ASB18: variants seen among roughly 807,000 people sequenced by gnomAD.
The protein encoded by ASB18 is ankyrin repeat and SOCS box protein 18.
A neutral mutation model predicts 33.4 loss-of-function variants in ASB18; 33 were observed. The ratio of observed to expected loss-of-function variants is 0.99; its 90% CI spans 0.75 to 1.32. The LOEUF is 1.32. Ranked by LOEUF, ASB18 falls within the 40% of genes most tolerant of loss-of-function variation. The pLI, the probability that ASB18 is intolerant of heterozygous loss-of-function variation, is 0.00. For synonymous variants in ASB18, 295 were observed against 307.6 expected, an observed-to-expected ratio of 0.96 and a Z score of 0.43; for missense variants, 694 against 655.5, an observed-to-expected ratio of 1.06 and a Z score of -0.64.
At chr2:236,199,812 T>G (rs964127402) in intron 4 of ASB18, among the ~76,000 whole-genome samples, 1 of 152,172 alleles carries the variant, frequency 6.6e-6, no homozygotes, top group Non-Finnish European at 1.5e-5. Context: ...TTGGGAATAT[T>G]TTAACAAGTA....
In ASB18 at chr2:236,251,211, G is replaced by A. The variant is rs1406822744; in HGVS notation, c.206-9809C>T. The stretch of plus-strand genomic sequence containing the variant: ...TTTTTGGAAGCTCAGAAACAAAGAT[G>A]CCCTTGAACACCGTGTATCCGCTGT... On this transcript the variant is annotated intron_variant, in intron 1 of 5. Transcript: ENST00000409749. This position sits in a 1 kb window ranked among gnomAD's most constrained non-coding sequence, Gnocchi z 5.3. 1.3e-5 allele frequency among the ~76,000 whole-genome samples: 2 copies of A among 152,188 alleles called. No individual in the cohort carries two copies. The highest frequency in any genetic ancestry group is 4.8e-5 in the African/African-American group (2 of 41,444).
rs934648723 is a variant in ASB18, at chr2:236,226,431, A to C, written c.596+11258T>G. Among the ~76,000 whole-genome samples the C allele has an allele frequency of 6.7e-6, 1 of 149,324 alleles. No individual in the cohort carries two copies. Among genetic ancestry groups the C allele is most frequent in the Non-Finnish European group, 1.5e-5 (1 of 66,832 alleles). On this transcript the variant is annotated intron_variant, in intron 3 of 5. Coordinates refer to ENST00000409749, the MANE Select transcript of ASB18 (RefSeq NM_212556.4). The surrounding 1 kb of genome is among the most constrained non-coding windows in gnomAD (Gnocchi z 4.8). Reference sequence around the variant, plus strand: ...ACAGAGAAGAGAAAATGAAACAAGAAAGAAGAAAGAGGAGGAAGAAGAGGA... The same window carrying C: ...ACAGAGAAGAGAAAATGAAACAAGACAGAAGAAAGAGGAGGAAGAAGAGGA...
chr2:236,264,392 A>G lies in ASB18; in HGVS notation c.-47T>C. The G allele has an allele frequency of 6.8e-7, 1 of 1,481,478 alleles. No individual in the cohort carries two copies. The highest frequency in any genetic ancestry group is 9.4e-7 in the Non-Finnish European group (1 of 1,066,848). 91.8% of individuals were successfully genotyped at this position (1,481,478 alleles called of 1,614,324 possible). A position where few individuals can be genotyped will look rare whatever the true frequency, so the allele number is the denominator to read the frequency against. On this transcript the variant is annotated 5_prime_UTR_variant, in exon 1 of 6. Transcript: ENST00000409749. The surrounding 1 kb of genome is among the most constrained non-coding windows in gnomAD (Gnocchi z 5.1). ...ACCAGCCCTTCTTTTCTTCCTCTAA[A>G]GCGACTCCAAAGTCAGCAGCTGTCC...
At chr2:236,218,806 A>G (rs1164853775) in intron 3 of ASB18, among the ~76,000 whole-genome samples, 2 of 151,346 alleles carry the variant, frequency 1.3e-5, no homozygotes, top group Non-Finnish European at 2.9e-5. Context: ...TCAAAAAAAA[A>G]AAAAAAAAAA....
At chr2:236,227,139 G>A (rs2060544694) in intron 3 of ASB18, among the ~76,000 whole-genome samples, 1 of 152,140 alleles carries the variant, frequency 6.6e-6, no homozygotes, top group Admixed American at 6.5e-5. Flanking sequence ...ATTTTGGCAA[G>A]GCGGGGAGGG....
intron 3 of ASB18, among the ~76,000 whole-genome samples, chr2:236,232,648 C>G (rs2060571295): frequency 1.3e-5 from 2 of 151,820 alleles, no homozygotes; most frequent in African/African-American, 4.8e-5. Context: ...CAATAAGGAA[C>G]AACTTTATGG....
rs184772300 is a variant in ASB18 at position 236,220,789 on chromosome 2, T to A, written c.597-5923A>T. Among the ~76,000 whole-genome samples the A allele has an allele frequency of 2.0e-5, 3 of 152,314 alleles. No homozygotes were observed. The highest frequency in any genetic ancestry group is 2.0e-4 in the Admixed American group (3 of 15,302). ...TAAGCACCTTCTCTGAGGCAGGTTCTGTTCTAGGCGTTTTCCACAAGTTAT... is the reference window on the plus strand; with the variant it reads ...TAAGCACCTTCTCTGAGGCAGGTTCAGTTCTAGGCGTTTTCCACAAGTTAT... On this transcript the variant is annotated intron_variant, in intron 3 of 5. Transcript: ENST00000409749. This position sits in a 1 kb window ranked among gnomAD's most constrained non-coding sequence, Gnocchi z 5.1.
rs992186877 is a variant in ASB18, at chr2:236,209,682, G to T, written c.1101+4680C>A. Among the ~76,000 whole-genome samples, 7 of 152,174 alleles carry T rather than the reference G, an allele frequency of 4.6e-5. No individual in the cohort carries two copies. The highest frequency in any genetic ancestry group is 2.1e-4 in the South Asian group (1 of 4,828). On this transcript the variant is annotated intron_variant, in intron 4 of 5. Transcript: ENST00000409749. The surrounding 1 kb of genome is among the most constrained non-coding windows in gnomAD (Gnocchi z 4.4). ...GCCCCCTACCTGGTGTGTTCTCTAC[G>T]TCGAGCTTAGAAATTCCAAAATACT... is the stretch of plus-strand genomic sequence containing the variant.
rs957050403 is a variant in ASB18 at position 236,209,312 on chromosome 2, G to A, written c.1101+5050C>T. Among the ~76,000 whole-genome samples, 4 of 146,440 alleles carry A rather than the reference G, an allele frequency of 2.7e-5. No individual in the cohort carries two copies. Among genetic ancestry groups the A allele is most frequent in the East Asian group, 4.0e-4 (2 of 5,054 alleles). On this transcript the variant is annotated intron_variant, in intron 4 of 5. Transcript: ENST00000409749. The surrounding 1 kb of genome is among the most constrained non-coding windows in gnomAD (Gnocchi z 4.4). Reference sequence around the variant, plus strand: ...TTTTAAGACAAGGTCTTGCTCTGTCGTCCAGGCTGGAGTGTAGTATTGCAA... The same window carrying A: ...TTTTAAGACAAGGTCTTGCTCTGTCATCCAGGCTGGAGTGTAGTATTGCAA...
chr2:236,242,542 C>T (rs2060625731), intron 1 of ASB18, among the ~76,000 whole-genome samples: 2 of 152,294 alleles, frequency 1.3e-5, no homozygotes, highest in South Asian at 4.1e-4. Context: ...GCACCCTCCA[C>T]CTCCTGGGTT....
rs546484074 is a variant in ASB18, at chr2:236,235,310, A to T, written c.596+2379T>A. Among the ~76,000 whole-genome samples the T allele has an allele frequency of 1.3e-5, 2 of 152,348 alleles. No individual in the cohort carries two copies. Among genetic ancestry groups the T allele is most frequent in the Admixed American group, 6.5e-5 (1 of 15,312 alleles). On this transcript the variant is annotated intron_variant, in intron 3 of 5. Transcript: ENST00000409749. This position sits in a 1 kb window ranked among gnomAD's most constrained non-coding sequence, Gnocchi z 6.2. ...TCCCTACAGTATTCAGTACAGTAGCATGCTGTCCAGGTTTGTAGCCTGGGA... is the reference window on the plus strand; with the variant it reads ...TCCCTACAGTATTCAGTACAGTAGCTTGCTGTCCAGGTTTGTAGCCTGGGA...
In ASB18 at chr2:236,239,915, C is replaced by A. The variant is rs1371233299; in HGVS notation, c.328+1365G>T. Among the ~76,000 whole-genome samples, 1 of 152,228 alleles carries A rather than the reference C, an allele frequency of 6.6e-6. No individual in the cohort carries two copies. The highest frequency in any genetic ancestry group is 1.9e-4 in the East Asian group (1 of 5,190). On this transcript the variant is annotated intron_variant, in intron 2 of 5. Coordinates refer to ENST00000409749, the MANE Select transcript of ASB18 (RefSeq NM_212556.4). The surrounding 1 kb of genome is among the most constrained non-coding windows in gnomAD (Gnocchi z 5.6). The stretch of plus-strand genomic sequence containing the variant: ...TGAGCTTGCCTCCCTCTCTTCCCAG[C>A]CTGTGTGGAGGCCTTGGGCCACTAC...
In ASB18 at chr2:236,235,162, G is replaced by T. The variant is rs11687393; in HGVS notation, c.596+2527C>A. On this transcript the variant is annotated intron_variant, in intron 3 of 5. Coordinates refer to ENST00000409749, the MANE Select transcript of ASB18 (RefSeq NM_212556.4). The surrounding 1 kb of genome is among the most constrained non-coding windows in gnomAD (Gnocchi z 6.2). ...CTGACACTTTACCAAAGAAGATACAGTCATGTCCCTTATAACAATGGTTTT... is the reference window on the plus strand; with the variant it reads ...CTGACACTTTACCAAAGAAGATACATTCATGTCCCTTATAACAATGGTTTT... 6.6e-6 allele frequency among the ~76,000 whole-genome samples: 1 copy of T among 152,168 alleles called. No individual in the cohort carries two copies. The highest frequency in any genetic ancestry group is 1.5e-5 in the Non-Finnish European group (1 of 68,014).
In ASB18 at chr2:236,203,741, T is replaced by C. The variant is rs11680754; in HGVS notation, c.1102-7356A>G. Among the ~76,000 whole-genome samples, 26,118 of 151,926 alleles carry C rather than the reference T, an allele frequency of 0.17. 2,264 individuals are homozygous for C. Among genetic ancestry groups the C allele is most frequent in the South Asian group, 0.25 (1,195 of 4,800 alleles). On this transcript the variant is annotated intron_variant, in intron 4 of 5. Transcript: ENST00000409749. This position sits in a 1 kb window ranked among gnomAD's most constrained non-coding sequence, Gnocchi z 6.0. ...ACTTAGCTGGGTGTGATGGTGTGCA[T>C]CTGTAATCCCAGCTACCCAGGAGAC...
chr2:236,260,545 A>C lies in ASB18; in HGVS notation c.205+3596T>G, dbSNP rs1029644238. Among the ~76,000 whole-genome samples the C allele has an allele frequency of 6.6e-6, 1 of 152,180 alleles. No homozygotes were observed. The highest frequency in any genetic ancestry group is 6.5e-5 in the Admixed American group (1 of 15,280). The stretch of plus-strand genomic sequence containing the variant: ...TCCCCCCAAACTCGCCCTTACCTTG[A>C]GAAAGAGAACATTTGCTCCCACAGG... On this transcript the variant is annotated intron_variant, in intron 1 of 5. Transcript: ENST00000409749. The surrounding 1 kb of genome is among the most constrained non-coding windows in gnomAD (Gnocchi z 5.1).
In ASB18 at chr2:236,234,458, G is replaced by A. The variant is rs1184938497; in HGVS notation, c.596+3231C>T. 6.6e-6 allele frequency among the ~76,000 whole-genome samples: 1 copy of A among 152,128 alleles called. No homozygotes were observed. Among genetic ancestry groups the A allele is most frequent in the Non-Finnish European group, 1.5e-5 (1 of 68,024 alleles). ...TTGTCTAGGTGTTATCCTTTTTGGTGTGTGGCATAAAGATTGTGAGGAGCC... is the reference window on the plus strand; with the variant it reads ...TTGTCTAGGTGTTATCCTTTTTGGTATGTGGCATAAAGATTGTGAGGAGCC... On this transcript the variant is annotated intron_variant, in intron 3 of 5. Transcript: ENST00000409749. This position sits in a 1 kb window ranked among gnomAD's most constrained non-coding sequence, Gnocchi z 4.1.
Position 236,222,787 on chromosome 2 carries a change from A to ATTT in ASB18, c.597-7922_597-7921insAAA, listed in dbSNP as rs2060518547. Among the ~76,000 whole-genome samples, 1 of 152,164 alleles carries ATTT rather than the reference A, an allele frequency of 6.6e-6. No individual in the cohort carries two copies. The highest frequency in any genetic ancestry group is 2.4e-5 in the African/African-American group (1 of 41,418). On this transcript the variant is annotated intron_variant, in intron 3 of 5. Coordinates refer to ENST00000409749, the MANE Select transcript of ASB18 (RefSeq NM_212556.4). This position sits in a 1 kb window ranked among gnomAD's most constrained non-coding sequence, Gnocchi z 5.5. ...GTAATCCCAACACTTTGGGAGGCCG[A>ATTT]GGTATGTGGATCACCTGAGTTCAGG...
chr2:236,208,950 A>G lies in ASB18; in HGVS notation c.1101+5412T>C, dbSNP rs912085477. The stretch of plus-strand genomic sequence containing the variant: ...TTAAGGGGAAAAATCACACAGGCAC[A>G]TTGCTTTATATGTAGATGGAGAAAT... On this transcript the variant is annotated intron_variant, in intron 4 of 5. Coordinates refer to ENST00000409749, the MANE Select transcript of ASB18 (RefSeq NM_212556.4). This position sits in a 1 kb window ranked among gnomAD's most constrained non-coding sequence, Gnocchi z 7.7. Among the ~76,000 whole-genome samples the G allele has an allele frequency of 6.6e-6, 1 of 151,412 alleles. No homozygotes were observed. Among genetic ancestry groups the G allele is most frequent in the Admixed American group, 6.6e-5 (1 of 15,190 alleles).
intron 4 of ASB18, among the ~76,000 whole-genome samples, chr2:236,202,695 C>T (rs2060409943): frequency 6.7e-6 from 1 of 149,054 alleles, no homozygotes; most frequent in Non-Finnish European, 1.5e-5. Flanking sequence ...AGGAGGATCA[C>T]TTGAACCCAG....
Sources: gnomAD v4.1 joint callset for allele counts (sites outside exome capture counted in the v4.1 genomes callset) on GRCh38, gnomAD v4.1.1 for gene constraint, Gnocchi (gnomAD v3.1) non-coding constraint, MANE v1.5 for transcripts, NCBI Gene and HGNC (gene_info 2026-07-23, HGNC 2026-07-21) for gene names.